Variants in MGST1 observed in about 807,000 individuals in gnomAD.
The protein encoded by MGST1 is glutathione S-transferase 12.
Under a neutral mutation model 8.9 loss-of-function variants are expected in MGST1, and 5 were observed. The observed-to-expected ratio is 0.56, with a 90% confidence interval of 0.29 to 1.19. The LOEUF (loss-of-function observed/expected upper bound fraction) is 1.19, where lower values mean the gene tolerates loss of function less well. Ranked by LOEUF, MGST1 falls within the 50% of genes most tolerant of loss-of-function variation. The pLI is 0.08. For synonymous variants in MGST1, 54 were observed against 67.8 expected (o/e 0.80, Z 1.00); for missense variants, 182 against 187.4 (o/e 0.97, Z 0.17).
chr12:16,531,677 C>T (rs1482950263), intron 4 of MGST1, among the ~76,000 whole-genome samples: 1 of 152,034 alleles, frequency 6.6e-6, no homozygotes, highest in Non-Finnish European at 1.5e-5. Flanking sequence ...CTTAAATGTC[C>T]AGCAAGACCT....
At chr12:16,454,106 G>A (rs535138185) in intron 4 of MGST1, among the ~76,000 whole-genome samples, 1 of 152,072 alleles carries the variant, frequency 6.6e-6, no homozygotes, top group Non-Finnish European at 1.5e-5. Context: ...GGAATCAGGT[G>A]ACTTACCAGC....
chr12:16,399,916 T>C, intron 1 of MGST1: 1 of 1,279,722 alleles, frequency 7.8e-7, no homozygotes, highest in Non-Finnish European at 1.1e-6. Flanking sequence ...CTCTACTTCA[T>C]CCAATGTCAC....
At chr12:16,551,511 T>G (rs1457684068) in intron 4 of MGST1, among the ~76,000 whole-genome samples, 1 of 151,986 alleles carries the variant, frequency 6.6e-6, no homozygotes, top group Non-Finnish European at 1.5e-5. Context: ...AATGAAATGT[T>G]GCACACATTT....
downstream of MGST1, among the ~76,000 whole-genome samples, chr12:16,592,956 G>C (rs923867174): frequency 2.6e-5 from 4 of 151,734 alleles, no homozygotes; most frequent in Non-Finnish European, 4.4e-5. Context: ...TAGGAGTAAA[G>C]TAATGACATC....
chr12:16,525,556 G>T (rs1941680795), intron 4 of MGST1, among the ~76,000 whole-genome samples: 1 of 143,626 alleles, frequency 7.0e-6, no homozygotes, highest in Admixed American at 7.0e-5. Context: ...TTGGACATTT[G>T]GGTTGGTTCC....
upstream of MGST1, among the ~76,000 whole-genome samples, chr12:16,382,320 T>C (rs1037374874): frequency 6.6e-6 from 1 of 152,214 alleles, no homozygotes; most frequent in Non-Finnish European, 1.5e-5. Flanking sequence ...GTTTTTGGTA[T>C]GGATGTCCTT....
intron 1 of MGST1, among the ~76,000 whole-genome samples, chr12:16,408,030 CAAAAAAAAAA>C (rs200073692): frequency 7.3e-4 from 32 of 44,098 alleles, no homozygotes; most frequent in African/African-American, 1.4e-3. Context: ...GACTCTGTCT[CAAAAAAAAAA>C]AAAAAAAAAA....
chr12:16,398,059 T>C (rs888426980), intron 1 of MGST1, among the ~76,000 whole-genome samples: 1 of 150,006 alleles, frequency 6.7e-6, no homozygotes, highest in African/African-American at 2.5e-5. Context: ...ACTTTTCTTA[T>C]AGAGTTTTTT....
chr12:16,525,806 T>A (rs990335793), intron 4 of MGST1, among the ~76,000 whole-genome samples: 7 of 151,444 alleles, frequency 4.6e-5, no homozygotes, highest in African/African-American at 9.7e-5. Flanking sequence ...CCAGCACTTG[T>A]CGTTTCCTGA....
chr12:16,385,436 T>TGTA (rs10635502), intron 1 of MGST1, among the ~76,000 whole-genome samples: 58,830 of 151,836 alleles, frequency 0.39, 11,724 homozygotes, highest in East Asian at 0.57. Flanking sequence ...GTGCATGAAT[T>TGTA]GTATATAATA....
intron 1 of MGST1, among the ~76,000 whole-genome samples, chr12:16,416,226 T>C (rs1049680011): frequency 1.3e-5 from 2 of 152,226 alleles, no homozygotes; most frequent in African/African-American, 4.8e-5. Context: ...AGAACTTGCA[T>C]GTTTCTGCTT....
intron 4 of MGST1, among the ~76,000 whole-genome samples, chr12:16,575,898 C>T (rs894724156): frequency 1.3e-5 from 2 of 152,072 alleles, no homozygotes; most frequent in African/African-American, 4.8e-5. Flanking sequence ...CTACATTACC[C>T]TCCCTCTCCC....
At chr12:16,518,619 A>G (rs1482980876) in intron 4 of MGST1, among the ~76,000 whole-genome samples, 1 of 152,196 alleles carries the variant, frequency 6.6e-6, no homozygotes, top group East Asian at 1.9e-4. Context: ...AAACATGTAG[A>G]AAACTCAATC....
intron 1 of MGST1, among the ~76,000 whole-genome samples, chr12:16,422,079 T>C (rs1449204857): frequency 1.3e-5 from 2 of 152,132 alleles, no homozygotes; most frequent in African/African-American, 4.8e-5. Context: ...TCATAGATAC[T>C]CCATTCTTGC....
At chr12:16,420,264 A>G (rs183549137) in intron 1 of MGST1, among the ~76,000 whole-genome samples, 1 of 152,310 alleles carries the variant, frequency 6.6e-6, no homozygotes, top group Admixed American at 6.5e-5. Flanking sequence ...AGCAAAATGC[A>G]CTAATTGAAG....
downstream of MGST1, among the ~76,000 whole-genome samples, chr12:16,380,781 T>C (rs562967152): frequency 6.6e-6 from 1 of 152,260 alleles, no homozygotes; most frequent in Admixed American, 6.5e-5. Context: ...GGAGTCTAAG[T>C]CTCTTTGTAG....
At position 16,361,802 on chromosome 12, in the gene MGST1, C is replaced by T. The variant is rs9332938; in HGVS notation, c.222-1993C>T. Among the ~76,000 whole-genome samples the T allele has an allele frequency of 0.017, 2,572 of 151,930 alleles. 77 individuals carry two copies. The highest frequency in any genetic ancestry group is 0.058 in the African/African-American group (2,419 of 41,360). ...TCTTTGAGAACATTTTGAGGGCTGA[C>T]GAAAGAGAAAGAGAACTCAAAAGGG... On this transcript the variant is annotated intron_variant, in intron 3 of 3. Coordinates refer to ENST00000396210, the MANE Select transcript of MGST1 (RefSeq NM_020300.5). This position sits in a 1 kb window ranked among gnomAD's most constrained non-coding sequence, Gnocchi z 4.2.
intron 1 of MGST1, among the ~76,000 whole-genome samples, chr12:16,414,389 GTTTTTATTTTTT>G (rs1940767794): frequency 8.5e-6 from 1 of 117,826 alleles, no homozygotes; most frequent in Admixed American, 8.4e-5. Flanking sequence ...GCCTCAAGGT[GTTTTTATTTTTT>G]TTTTTATTTT....
At chr12:16,404,870 G>C (rs1338187467) in intron 1 of MGST1, among the ~76,000 whole-genome samples, 9 of 152,140 alleles carry the variant, frequency 5.9e-5, no homozygotes, top group African/African-American at 2.2e-4. Context: ...ATTTTTTACA[G>C]TTGACTTGAG....
Sources: allele counts gnomAD v4.1 joint callset (sites outside exome capture counted in the v4.1 genomes callset), GRCh38; gene constraint gnomAD v4.1.1; non-coding constraint Gnocchi (gnomAD v3.1); transcripts MANE v1.5; gene names NCBI Gene and HGNC (gene_info 2026-07-23, HGNC 2026-07-21).